ASRGL1: variants seen among roughly 807,000 people sequenced by gnomAD.
ASRGL1 encodes asparaginase and isoaspartyl peptidase 1.
ASRGL1 carries 16 observed loss-of-function variants against 22.4 expected under a neutral mutation model. That is an observed-to-expected ratio of 0.71 (90% CI 0.48 to 1.08). The LOEUF (loss-of-function observed/expected upper bound fraction) is 1.08, where lower values mean the gene tolerates loss of function less well. Among genes scored for constraint, ASRGL1 ranks in the 50% least tolerant of loss-of-function variants. The pLI is 0.00. For missense variants in ASRGL1, 412 were observed against 410.1 expected, an observed-to-expected ratio of 1.00 and a Z score of -0.04; for synonymous variants, 165 against 159.3, an observed-to-expected ratio of 1.04 and a Z score of -0.27.
At chr11:62,377,784 C>T (rs1946966265) in intron 4 of ASRGL1, among the ~76,000 whole-genome samples, 1 of 152,142 alleles carries the variant, frequency 6.6e-6, no homozygotes, top group South Asian at 2.1e-4. Flanking sequence ...GTAATTTTGC[C>T]TGACCAATTA....
chr11:62,372,304 G>A (rs1946795083), intron 4 of ASRGL1: 4 of 1,603,288 alleles, frequency 2.5e-6, no homozygotes, highest in Non-Finnish European at 3.4e-6. Flanking sequence ...AACAAGATGG[G>A]GCAGCTGGGC....
intron 4 of ASRGL1, among the ~76,000 whole-genome samples, chr11:62,376,021 G>C (rs1004126920): frequency 6.9e-6 from 1 of 145,102 alleles, no homozygotes. Flanking sequence ...AGAATTGCTT[G>C]AACCTGGGAA....
At chr11:62,389,444 T>C in intron 5 of ASRGL1, 193 bp downstream of exon 5, 1 of 677,698 alleles carries the variant, frequency 1.5e-6, no homozygotes, top group Non-Finnish European at 2.7e-6. Context: ...GGTGTTTGTA[T>C]CTGGCGCCAC....
At chr11:62,394,136 AAAT>A (rs1420717567), downstream of ASRGL1, among the ~76,000 whole-genome samples, 2 of 128,390 alleles carry the variant, frequency 1.6e-5, no homozygotes, top group Non-Finnish European at 3.3e-5. Context: ...ATATATAATA[AAAT>A]ATATAACATT....
intron 4 of ASRGL1, among the ~76,000 whole-genome samples, chr11:62,374,319 CTGAG>C (rs1233618143): frequency 2.6e-5 from 4 of 152,196 alleles, no homozygotes. Context: ...GTGCACTGCA[CTGAG>C]TGAGTTATGA....
At chr11:62,348,497 A>T (rs1315335489) in intron 2 of ASRGL1, among the ~76,000 whole-genome samples, 3 of 152,130 alleles carry the variant, frequency 2.0e-5, no homozygotes, top group Admixed American at 2.0e-4. Flanking sequence ...TGAGGTCAGG[A>T]GATCGAGACC....
At chr11:62,356,265 T>G in intron 2 of ASRGL1, 60 bp from the exon 3 acceptor site, 1 of 1,574,502 alleles carries the variant, frequency 6.4e-7, no homozygotes, top group Non-Finnish European at 8.7e-7. Flanking sequence ...CCCCCCCACC[T>G]CCCTCCCGGA....
intron 4 of ASRGL1, among the ~76,000 whole-genome samples, chr11:62,378,534 G>C (rs1427535229): frequency 6.6e-6 from 1 of 152,156 alleles, no homozygotes; most frequent in African/African-American, 2.4e-5. Context: ...CCGCCAGAGG[G>C]ATGGTAAAAA....
chr11:62,357,406 C>T (rs1946329161), intron 4 of ASRGL1, among the ~76,000 whole-genome samples: 1 of 148,736 alleles, frequency 6.7e-6, no homozygotes, highest in Non-Finnish European at 1.5e-5. Flanking sequence ...CACACCACTG[C>T]ACCCGGCTCA....
chr11:62,392,273 G>T lies in ASRGL1; in HGVS notation c.916G>T (p.Asp306Tyr). 6.2e-7 allele frequency: 1 copy of T among 1,613,640 alleles called. No individual in the cohort carries two copies. Among genetic ancestry groups the T allele is most frequent in the South Asian group, 1.1e-5 (1 of 91,042 alleles). Residue 306 changes from aspartate (D) to tyrosine (Y), a missense_variant, in exon 7 of 7, where the codon GAC becomes TAC. Physicochemically the swap from Asp to Tyr is radical, Grantham distance 160. Coordinates refer to ENST00000415229, the MANE Select transcript of ASRGL1 (RefSeq NM_001083926.2). ...GIDPDDTTIT[D>Y]LP Reference sequence around the variant, plus strand: ...TGATCCTGACGATACTACTATCACCGACCTTCCCTAAGCCGCTGGAAGATT... The same window carrying T: ...TGATCCTGACGATACTACTATCACCTACCTTCCCTAAGCCGCTGGAAGATT...
At chr11:62,356,502 T>C in intron 3 of ASRGL1, 35 bp downstream of exon 3, 1 of 1,606,204 alleles carries the variant, frequency 6.2e-7, no homozygotes, top group Non-Finnish European at 8.5e-7. Flanking sequence ...TCCTAATGAA[T>C]TGTTATTGTT....
chr11:62,343,252 C>T (rs1450731968), intron 2 of ASRGL1, among the ~76,000 whole-genome samples: 1 of 151,288 alleles, frequency 6.6e-6, no homozygotes, highest in African/African-American at 2.4e-5. Flanking sequence ...GTGGTGGGCA[C>T]CTGTGGTCCC....
At chr11:62,365,115 T>G (rs572070367) in intron 4 of ASRGL1, among the ~76,000 whole-genome samples, 1 of 149,274 alleles carries the variant, frequency 6.7e-6, no homozygotes, top group African/African-American at 2.5e-5. Flanking sequence ...AAACAATGAA[T>G]GGAATGGTAG....
intron 4 of ASRGL1, among the ~76,000 whole-genome samples, chr11:62,374,270 G>A (rs1684719555): frequency 6.6e-6 from 1 of 152,120 alleles, no homozygotes; most frequent in African/African-American, 2.4e-5. Context: ...ACTGCCACCC[G>A]TGTCCCCGTC....
chr11:62,377,368 G>A (rs1005592676), intron 4 of ASRGL1, among the ~76,000 whole-genome samples: 2 of 152,122 alleles, frequency 1.3e-5, no homozygotes, highest in Admixed American at 6.5e-5. Flanking sequence ...ATCCCTTGTA[G>A]CCTGTACTAC....
At chr11:62,365,688 A>G (rs1005186748) in intron 4 of ASRGL1, among the ~76,000 whole-genome samples, 2 of 152,080 alleles carry the variant, frequency 1.3e-5, no homozygotes, top group African/African-American at 2.4e-5. Flanking sequence ...TCTCTACTAA[A>G]AATACAGAAA....
At chr11:62,358,427 CTG>C (rs1946357791) in intron 4 of ASRGL1, among the ~76,000 whole-genome samples, 1 of 149,914 alleles carries the variant, frequency 6.7e-6, no homozygotes, top group South Asian at 2.1e-4. Context: ...GACAGCCTGA[CTG>C]AGTGTGCTTT....
chr11:62,362,527 A>AAT (rs1231470794), intron 4 of ASRGL1, among the ~76,000 whole-genome samples: 1 of 87,066 alleles, frequency 1.1e-5, no homozygotes, highest in Non-Finnish European at 2.1e-5. Flanking sequence ...TTATTTATAT[A>AAT]ATATATATTA....
At chr11:62,395,824 T>G (rs1459143667), downstream of ASRGL1, among the ~76,000 whole-genome samples, 1 of 131,564 alleles carries the variant, frequency 7.6e-6, no homozygotes, top group Non-Finnish European at 1.5e-5. Flanking sequence ...CAGGCTGGAG[T>G]GCAGTGGCAC....
Sources: allele counts gnomAD v4.1 joint callset (sites outside exome capture counted in the v4.1 genomes callset), GRCh38; gene constraint gnomAD v4.1.1; transcripts MANE v1.5; gene names NCBI Gene and HGNC (gene_info 2026-07-23, HGNC 2026-07-21).